Variants in POU6F2 observed in about 807,000 individuals in gnomAD.
POU6F2 encodes POU class 6 homeobox 2, also known as POU domain, class 6, transcription factor 2.
A neutral mutation model predicts 71.3 loss-of-function variants in POU6F2; 31 were observed. That is an observed-to-expected ratio of 0.43 (90% confidence interval 0.33 to 0.59). The LOEUF (loss-of-function observed/expected upper bound fraction) is 0.59, where lower values mean the gene tolerates loss of function less well. Among genes scored for constraint, POU6F2 ranks in the 20% least tolerant of loss-of-function variants. The pLI, the probability that POU6F2 is intolerant of heterozygous loss-of-function variation, is 0.04. For synonymous variants in POU6F2, 347 were observed against 355.7 expected (o/e 0.98, Z 0.27); for missense variants, 783 against 856.8 (o/e 0.91, Z 1.07).
intron 6 of POU6F2, among the ~76,000 whole-genome samples, chr7:39,429,806 C>T (rs1420642313): frequency 6.6e-6 from 1 of 152,198 alleles, no homozygotes; most frequent in African/African-American, 2.4e-5. Flanking sequence ...AGAAGAGATT[C>T]CCCTACAGCC....
intron 1 of POU6F2, among the ~76,000 whole-genome samples, chr7:39,076,358 G>A (rs1032617900): frequency 6.6e-6 from 1 of 152,040 alleles, no homozygotes; most frequent in Admixed American, 6.5e-5. Flanking sequence ...ACACATGTCT[G>A]CCTGCCAGGG....
rs1791269796 is a variant in POU6F2, at chr7:39,087,159, A to ATTT, written c.277+1128_277+1129insTTT. 3.8e-3 allele frequency among the ~76,000 whole-genome samples: 479 copies of ATTT among 125,726 alleles called. 2 individuals are homozygous for ATTT. Among genetic ancestry groups the ATTT allele is most frequent in the Non-Finnish European group, 5.9e-3 (352 of 60,108 alleles). 82.5% of individuals were successfully genotyped at this position (125,726 alleles called of 152,430 possible). A position where few individuals can be genotyped will look rare whatever the true frequency, so the allele number is the denominator to read the frequency against. On this transcript the variant is annotated intron_variant, in intron 2 of 9. Coordinates refer to ENST00000518318, the MANE Select transcript of POU6F2 (RefSeq NM_001370959.1). ...CACAGGCTTTATTAATTAATTAATT[A>ATTT]ATTTATTTATTTATTTATTTATTTA...
intron 2 of POU6F2, among the ~76,000 whole-genome samples, chr7:39,124,223 T>G (rs982736868): frequency 2.0e-5 from 3 of 152,084 alleles, no homozygotes; most frequent in Admixed American, 2.0e-4. Context: ...ATTTTTGTAT[T>G]TTTAGTAGAA....
chr7:39,289,115 T>TC (rs1562778015), intron 4 of POU6F2, among the ~76,000 whole-genome samples: 1 of 152,120 alleles, frequency 6.6e-6, no homozygotes, highest in African/African-American at 2.4e-5. Flanking sequence ...CTGCTTATTT[T>TC]CCCCCCATGA....
chr7:39,191,189 G>A lies in POU6F2; in HGVS notation c.278-13046G>A, dbSNP rs549752972. The stretch of plus-strand genomic sequence containing the variant: ...AGGCATCTTAAAAGGAAGATTTGGG[G>A]ATGCAAATTGGGATGTGCCTTATAA... On this transcript the variant is annotated intron_variant, in intron 2 of 9. Transcript: ENST00000518318. Among the ~76,000 whole-genome samples, 7 of 152,278 alleles carry A rather than the reference G, an allele frequency of 4.6e-5. No homozygotes were observed. The East Asian group carries it at 1.2e-3, about 25-fold the overall frequency.
intron 4 of POU6F2, among the ~76,000 whole-genome samples, chr7:39,258,698 G>GT (rs1277584973): frequency 1.6e-5 from 2 of 127,638 alleles, no homozygotes; most frequent in Non-Finnish European, 3.5e-5. Context: ...TACTCTAGAT[G>GT]TTTAAAAAAA....
At chr7:39,012,900 G>T (rs557276814) in intron 1 of POU6F2, among the ~76,000 whole-genome samples, 2 of 151,696 alleles carry the variant, frequency 1.3e-5, no homozygotes, top group African/African-American at 4.8e-5. Flanking sequence ...CTCCAGCTGC[G>T]TGCTGGGAGA....
chr7:39,121,772 C>T (rs1792047037), intron 2 of POU6F2, among the ~76,000 whole-genome samples: 1 of 152,152 alleles, frequency 6.6e-6, no homozygotes, highest in Non-Finnish European at 1.5e-5. Flanking sequence ...GATCCTGGCT[C>T]ACTGCAACCT....
At chr7:39,071,288 C>G (rs1017643911) in intron 1 of POU6F2, among the ~76,000 whole-genome samples, 1 of 151,786 alleles carries the variant, frequency 6.6e-6, no homozygotes, top group Non-Finnish European at 1.5e-5. Context: ...TGTGCTCCTA[C>G]GAGAATCTAA....
At chr7:39,246,843 G>C (rs1442762805) in intron 4 of POU6F2, among the ~76,000 whole-genome samples, 1 of 146,340 alleles carries the variant, frequency 6.8e-6, no homozygotes, top group Non-Finnish European at 1.5e-5. Context: ...GAGAGAGAGA[G>C]ACTGATAGTC....
At chr7:39,416,180 C>T (rs756188754) in intron 6 of POU6F2, among the ~76,000 whole-genome samples, 3 of 151,192 alleles carry the variant, frequency 2.0e-5, no homozygotes, top group Non-Finnish European at 2.9e-5. Flanking sequence ...CGAATAATTA[C>T]AGGGTATTTT....
intron 5 of POU6F2, among the ~76,000 whole-genome samples, chr7:39,352,011 C>T (rs750702879): frequency 6.6e-6 from 1 of 152,216 alleles, no homozygotes; most frequent in Non-Finnish European, 1.5e-5. Context: ...CTCATTTGCC[C>T]ACCTCTCTGA....
At chr7:39,018,767 C>A (rs1789616108) in intron 1 of POU6F2, among the ~76,000 whole-genome samples, 1 of 151,980 alleles carries the variant, frequency 6.6e-6, no homozygotes, top group South Asian at 2.1e-4. Context: ...GAAAACAGTG[C>A]CACTAAAAGT....
intron 6 of POU6F2, among the ~76,000 whole-genome samples, chr7:39,411,166 A>AT (rs1338103738): frequency 1.3e-5 from 2 of 152,178 alleles, no homozygotes; most frequent in African/African-American, 4.8e-5. Context: ...ACATTAAGTT[A>AT]TTTTAAGGAA....
intron 4 of POU6F2, among the ~76,000 whole-genome samples, chr7:39,261,105 A>G (rs1562767800): frequency 6.6e-6 from 1 of 151,576 alleles, no homozygotes; most frequent in African/African-American, 2.4e-5. Flanking sequence ...CACGCCACAG[A>G]TCTGTCTCCT....
intron 2 of POU6F2, among the ~76,000 whole-genome samples, chr7:39,130,104 A>G (rs1221232927): frequency 6.7e-6 from 1 of 149,372 alleles, no homozygotes; most frequent in Non-Finnish European, 1.5e-5. Context: ...CACAGCATGC[A>G]CTTAAGTAAA....
chr7:39,091,897 C>A (rs1562702793), intron 2 of POU6F2, among the ~76,000 whole-genome samples: 1 of 152,324 alleles, frequency 6.6e-6, no homozygotes, highest in East Asian at 1.9e-4. Context: ...CTGGCACTTT[C>A]TTTGATTGAC....
chr7:39,409,460 T>A (rs1023854894), intron 6 of POU6F2, among the ~76,000 whole-genome samples: 3 of 152,198 alleles, frequency 2.0e-5, no homozygotes, highest in Admixed American at 2.0e-4. Context: ...AGACTTTGAA[T>A]TCAGACCTAC....
intron 1 of POU6F2, among the ~76,000 whole-genome samples, chr7:39,033,691 G>C (rs141115644): frequency 6.6e-6 from 1 of 152,304 alleles, no homozygotes; most frequent in African/African-American, 2.4e-5. Context: ...GGACTGCCCG[G>C]GAAGTTGACT....
Sources: allele counts gnomAD v4.1 joint callset (sites outside exome capture counted in the v4.1 genomes callset), GRCh38; gene constraint gnomAD v4.1.1; transcripts MANE v1.5; gene names NCBI Gene and HGNC (gene_info 2026-07-23, HGNC 2026-07-21).